The following SNX7 variants were observed in gnomAD, a reference collection of about 807,000 sequenced individuals.
The protein encoded by SNX7 is sorting nexin-7.
In SNX7, 35 loss-of-function variants were observed where a neutral mutation model predicts 48.4. The observed-to-expected ratio is 0.72, with a 90% CI of 0.55 to 0.96. SNX7 has a LOEUF of 0.96. SNX7 is among the 40% of genes least tolerant of loss of function. The probability of loss-of-function intolerance (pLI) is 0.00; values close to 1 mark genes in which losing one functional copy is unlikely to be tolerated. For missense variants in SNX7, 553 were observed against 548.9 expected (o/e 1.01, Z -0.07); for synonymous variants, 190 against 190.2 (o/e 1.00, Z 0.01).
At chr1:98,706,152 A>G (rs1209149595) in intron 7 of SNX7, among the ~76,000 whole-genome samples, 2 of 152,298 alleles carry the variant, frequency 1.3e-5, no homozygotes, top group African/African-American at 2.4e-5. Flanking sequence ...GGGGAAAGAA[A>G]CCAGGTCCTC....
intron 8 of SNX7, among the ~76,000 whole-genome samples, chr1:98,756,402 C>CT (rs1265229573): frequency 2.7e-5 from 1 of 36,478 alleles, no homozygotes; most frequent in Admixed American, 2.3e-4. Flanking sequence ...TATCTGGTCT[C>CT]TTTTTTTTCT....
At chr1:98,681,858 G>A (rs541608622) in intron 1 of SNX7, among the ~76,000 whole-genome samples, 4 of 152,282 alleles carry the variant, frequency 2.6e-5, no homozygotes, top group African/African-American at 9.6e-5. Flanking sequence ...GGTTAGGTAG[G>A]AGAGTATTCT....
At chr1:98,727,580 T>C (rs1469163474) in intron 7 of SNX7, among the ~76,000 whole-genome samples, 1 of 152,032 alleles carries the variant, frequency 6.6e-6, no homozygotes, top group Admixed American at 6.6e-5. Flanking sequence ...CGAACTCAAC[T>C]GAGCTAAAGG....
At chr1:98,714,630 A>T (rs1178374573) in intron 7 of SNX7, among the ~76,000 whole-genome samples, 1 of 152,192 alleles carries the variant, frequency 6.6e-6, no homozygotes, top group Non-Finnish European at 1.5e-5. Context: ...CTGAATCATC[A>T]TAAGGGGCCA....
chr1:98,753,866 G>A lies in SNX7; in HGVS notation c.1279-6188G>A, dbSNP rs561654842. ...TTTAAAGATATACTTTGGCATTTTTGTATTTCCTTCTTTTTTATACTTGAC... is the reference window on the plus strand; with the variant it reads ...TTTAAAGATATACTTTGGCATTTTTATATTTCCTTCTTTTTTATACTTGAC... On this transcript the variant is annotated intron_variant, in intron 8 of 8. Transcript: ENST00000306121. Among the ~76,000 whole-genome samples, 9 of 152,120 alleles carry A rather than the reference G, an allele frequency of 5.9e-5. 1 individual carries two copies. Among genetic ancestry groups the A allele is most frequent in the South Asian group, 2.1e-4 (1 of 4,824 alleles).
At chr1:98,690,725 TA>T (rs1406781720) in intron 2 of SNX7, among the ~76,000 whole-genome samples, 1 of 152,124 alleles carries the variant, frequency 6.6e-6, no homozygotes, top group East Asian at 1.9e-4. Flanking sequence ...ATTTGAAACC[TA>T]AATTCAGAAC....
At chr1:98,705,331 C>T (rs1241314796) in intron 7 of SNX7, among the ~76,000 whole-genome samples, 1 of 152,130 alleles carries the variant, frequency 6.6e-6, no homozygotes, top group Non-Finnish European at 1.5e-5. Context: ...CTTGATAAAT[C>T]AAAGATCAAA....
intron 7 of SNX7, among the ~76,000 whole-genome samples, chr1:98,726,262 G>C (rs1653164703): frequency 6.6e-6 from 1 of 152,202 alleles, no homozygotes; most frequent in Admixed American, 6.5e-5. Context: ...AGTTCAGTAA[G>C]AAAGGAGCAA....
intron 1 of SNX7, among the ~76,000 whole-genome samples, chr1:98,668,878 C>T (rs1443392742): frequency 6.6e-6 from 1 of 152,132 alleles, no homozygotes; most frequent in Non-Finnish European, 1.5e-5. Flanking sequence ...ATCGTGAATT[C>T]TGTCACTAAA....
At chr1:98,665,448 A>T (rs1649486274) in intron 1 of SNX7, among the ~76,000 whole-genome samples, 2 of 152,238 alleles carry the variant, frequency 1.3e-5, no homozygotes, top group Admixed American at 1.3e-4. Flanking sequence ...CTTTGAAAAA[A>T]ACATGATCAA....
intron 4 of SNX7, among the ~76,000 whole-genome samples, chr1:98,693,947 T>C (rs1216490649): frequency 2.6e-5 from 4 of 152,244 alleles, no homozygotes; most frequent in Non-Finnish European, 5.9e-5. Context: ...TTTGTTCTTT[T>C]AACTTATGCC....
At chr1:98,749,225 A>G (rs1654460015) in intron 8 of SNX7, among the ~76,000 whole-genome samples, 1 of 152,126 alleles carries the variant, frequency 6.6e-6, no homozygotes. Flanking sequence ...TTCCCCATGT[A>G]TAAAAATGAG....
At chr1:98,731,228 T>A (rs1000432484) in intron 7 of SNX7, among the ~76,000 whole-genome samples, 2 of 152,194 alleles carry the variant, frequency 1.3e-5, no homozygotes, top group Middle Eastern at 3.4e-3. Context: ...AAAAATTTTT[T>A]AAAAAGTATA....
chr1:98,710,318 G>C (rs897394429), intron 7 of SNX7, among the ~76,000 whole-genome samples: 4 of 151,968 alleles, frequency 2.6e-5, no homozygotes, highest in Non-Finnish European at 5.9e-5. Flanking sequence ...GTTTGTGGTG[G>C]GTGAGGGTGA....
chr1:98,696,345 GACAA>G (rs1381561855), intron 5 of SNX7, among the ~76,000 whole-genome samples: 5 of 151,918 alleles, frequency 3.3e-5, no homozygotes, highest in Admixed American at 6.6e-5. Context: ...ACTACATAAA[GACAA>G]ACAAAAGTTC....
intron 8 of SNX7, among the ~76,000 whole-genome samples, chr1:98,740,390 C>G (rs1380313781): frequency 6.6e-6 from 1 of 151,760 alleles, no homozygotes; most frequent in Non-Finnish European, 1.5e-5. Flanking sequence ...ACAATAAAAC[C>G]AAAATTTTAA....
intron 8 of SNX7, among the ~76,000 whole-genome samples, chr1:98,752,160 A>G (rs2101055224): frequency 6.6e-6 from 1 of 152,212 alleles, no homozygotes; most frequent in African/African-American, 2.4e-5. Flanking sequence ...GATTCTTTAT[A>G]TCCTCCAATT....
At chr1:98,721,191 A>G (rs1652854785) in intron 7 of SNX7, among the ~76,000 whole-genome samples, 1 of 152,040 alleles carries the variant, frequency 6.6e-6, no homozygotes. Context: ...TGCTCTTTGG[A>G]GCATTTTGGA....
intron 8 of SNX7, 109 bp from the exon 9 acceptor site, chr1:98,759,945 G>A (rs1471013504): frequency 5.9e-6 from 4 of 681,526 alleles, no homozygotes; most frequent in African/African-American, 1.8e-5. Context: ...TGATGGGAGA[G>A]AAGAATAGAG....
Sources: gnomAD v4.1 joint callset for allele counts (sites outside exome capture counted in the v4.1 genomes callset) on GRCh38, gnomAD v4.1.1 for gene constraint, MANE v1.5 for transcripts, NCBI Gene and HGNC (gene_info 2026-07-23, HGNC 2026-07-21) for gene names.